The following ACYP2 variants were observed in gnomAD, a reference collection of about 807,000 sequenced individuals.
The protein encoded by ACYP2 is acylphosphatase 2.
In ACYP2, 12 loss-of-function variants were observed where a neutral mutation model predicts 11.2. That is an observed-to-expected ratio of 1.08 (90% CI 0.69 to 1.74). The LOEUF is 1.74. Ranked by LOEUF, ACYP2 falls within the 40% of genes most tolerant of loss-of-function variation. ACYP2 has a pLI of 0.00. For missense variants in ACYP2, 134 were observed against 101.9 expected, an observed-to-expected ratio of 1.31 and a Z score of -1.35; for synonymous variants, 43 against 32.2, an observed-to-expected ratio of 1.33 and a Z score of -1.13.
In ACYP2 at chr2:54,266,715, C is replaced by T. The variant is rs981825245; in HGVS notation, c.405-37973C>T. Among the ~76,000 whole-genome samples, 7 of 147,354 alleles carry T rather than the reference C, an allele frequency of 4.8e-5. No homozygotes were observed. The South Asian group carries it at 1.1e-3, about 23-fold the overall frequency. ...CCGCCGTCCGGGTTCACGCCATTCTCCTGCCTCAGCCTCCCAAGTAGCTGG... is the reference window on the plus strand; with the variant it reads ...CCGCCGTCCGGGTTCACGCCATTCTTCTGCCTCAGCCTCCCAAGTAGCTGG... On this transcript the variant is annotated intron_variant, in intron 6 of 6. Transcript: ENST00000607452.
intron 6 of ACYP2, among the ~76,000 whole-genome samples, chr2:54,259,265 G>T (rs1207913003): frequency 6.6e-6 from 1 of 152,226 alleles, no homozygotes; most frequent in Non-Finnish European, 1.5e-5. Context: ...CCAGAGTTGA[G>T]ATGCCAAGTG....
intron 6 of ACYP2, among the ~76,000 whole-genome samples, chr2:54,209,095 C>G (rs1558614684): frequency 6.6e-6 from 1 of 151,292 alleles, no homozygotes. Context: ...CAGTTAGTAC[C>G]ACCCAGAAAC....
At chr2:54,124,881 C>T (rs766240476) in intron 4 of ACYP2, among the ~76,000 whole-genome samples, 20 of 151,974 alleles carry the variant, frequency 1.3e-4, no homozygotes, top group Non-Finnish European at 2.1e-4. Context: ...GACGCATGTG[C>T]TAACTAGAGG....
In ACYP2 at chr2:54,168,382, C is replaced by T. The variant is rs543388316; in HGVS notation, c.404+29634C>T. The stretch of plus-strand genomic sequence containing the variant: ...CAGAGGTTGCAGTGAGCAGAGATCA[C>T]GACATTGCACTCCAGCCTGGGCCAC... On this transcript the variant is annotated intron_variant, in intron 6 of 6. Coordinates refer to ENST00000607452, the MANE Select transcript of ACYP2 (RefSeq NM_001320586.2). Among the ~76,000 whole-genome samples the T allele has an allele frequency of 9.9e-5, 15 of 152,180 alleles. No homozygotes were observed. In the South Asian group the frequency reaches 2.3e-3, roughly 23 times the overall value.
chr2:54,143,732 G>A (rs1681732522), intron 6 of ACYP2, among the ~76,000 whole-genome samples: 1 of 92,820 alleles, frequency 1.1e-5, no homozygotes, highest in Non-Finnish European at 2.0e-5. Flanking sequence ...ATACCCAGCC[G>A]GTTTTTTTTT....
chr2:54,159,454 T>C (rs1682609412), intron 6 of ACYP2, among the ~76,000 whole-genome samples: 1 of 151,522 alleles, frequency 6.6e-6, no homozygotes, highest in Admixed American at 6.6e-5. Flanking sequence ...GCAATCCACC[T>C]GCCTCGGCCT....
intron 2 of ACYP2, among the ~76,000 whole-genome samples, chr2:53,978,713 C>G (rs1361799609): frequency 6.6e-6 from 1 of 152,164 alleles, no homozygotes; most frequent in Admixed American, 6.5e-5. Context: ...TGACAAAACT[C>G]AAATATTCAA....
chr2:54,041,082 C>G (rs185213181), intron 2 of ACYP2, among the ~76,000 whole-genome samples: 42 of 148,180 alleles, frequency 2.8e-4, no homozygotes, highest in African/African-American at 1.0e-3. Context: ...CTTTTCTTTT[C>G]CTCTCTCTCT....
chr2:54,196,440 T>C (rs945079427), intron 6 of ACYP2, among the ~76,000 whole-genome samples: 1 of 152,224 alleles, frequency 6.6e-6, no homozygotes, highest in African/African-American at 2.4e-5. Flanking sequence ...TTTATATGGC[T>C]TTGTTTCTGT....
chr2:54,272,068 C>T (rs777612125), intron 6 of ACYP2, among the ~76,000 whole-genome samples: 37 of 152,122 alleles, frequency 2.4e-4, no homozygotes, highest in Non-Finnish European at 4.7e-4. Flanking sequence ...TGATGAAGCA[C>T]CTTCTTTTCA....
chr2:54,052,049 T>TAAATAAATAAATAAATA (rs1675893829), intron 3 of ACYP2, among the ~76,000 whole-genome samples: 1 of 85,784 alleles, frequency 1.2e-5, no homozygotes, highest in Non-Finnish European at 2.1e-5. Flanking sequence ...TCTGTCTCAA[T>TAAATAAATAAATAAATA]AAATAAATAA....
intron 3 of ACYP2, chr2:54,051,340 T>C: frequency 2.6e-6 from 2 of 763,178 alleles, no homozygotes; most frequent in East Asian, 2.4e-5. Context: ...TTTTAAGAAG[T>C]GCTCAGAGAG....
intron 2 of ACYP2, among the ~76,000 whole-genome samples, chr2:54,030,119 C>G (rs1190888480): frequency 6.6e-6 from 1 of 152,124 alleles, no homozygotes; most frequent in Non-Finnish European, 1.5e-5. Context: ...ATTAGAAGGT[C>G]GGAGGCAAAA....
rs1276398448 is a variant in ACYP2, at chr2:53,971,325, G to A, written c.-37+4G>A. The A allele has an allele frequency of 1.3e-5, 2 of 152,740 alleles. No homozygotes were observed. Among genetic ancestry groups the A allele is most frequent in the Non-Finnish European group, 2.9e-5 (2 of 68,456 alleles). The allele number at this position is 152,740 out of a possible 1,614,324, so 9.5% of individuals were successfully genotyped here. A position where few individuals can be genotyped will look rare whatever the true frequency, so the allele number is the denominator to read the frequency against. On this transcript the variant is annotated splice_donor_region_variant and intron_variant, in intron 1 of 6. Coordinates refer to ENST00000607452, the MANE Select transcript of ACYP2 (RefSeq NM_001320586.2). ...CGCCACGACAGGCGGCAGCCAGGTC[G>A]GCCTGGTCCCCCTAGCCGAGCAGCC... is the stretch of plus-strand genomic sequence containing the variant.
At chr2:54,167,198 A>G (rs896240265) in intron 6 of ACYP2, among the ~76,000 whole-genome samples, 4 of 152,148 alleles carry the variant, frequency 2.6e-5, no homozygotes, top group African/African-American at 9.7e-5. Flanking sequence ...TTAGTTTGTC[A>G]AAGTGTTTTT....
At chr2:54,141,901 G>C (rs1388961287) in intron 6 of ACYP2, 4 of 632,492 alleles carry the variant, frequency 6.3e-6, no homozygotes, top group South Asian at 5.4e-5. Flanking sequence ...GCAGTGGTCT[G>C]ATCTAGACTC....
intron 2 of ACYP2, among the ~76,000 whole-genome samples, chr2:54,009,833 G>A (rs1313795789): frequency 6.6e-6 from 1 of 152,106 alleles, no homozygotes; most frequent in East Asian, 1.9e-4. Context: ...ATTTGTGCTA[G>A]GTTTATATGA....
chr2:53,988,369 C>T (rs571031735), intron 2 of ACYP2, among the ~76,000 whole-genome samples: 13 of 151,896 alleles, frequency 8.6e-5, no homozygotes, highest in Non-Finnish European at 1.3e-4. Flanking sequence ...TATGTTTTGC[C>T]TATGAATGTC....
intron 4 of ACYP2, among the ~76,000 whole-genome samples, chr2:54,070,284 AAAAAG>A (rs1223501926): frequency 6.6e-5 from 10 of 152,138 alleles, no homozygotes; most frequent in Non-Finnish European, 1.2e-4. Flanking sequence ...AAAAAAAAAA[AAAAAG>A]AAAGAAAGAA....
Sources: allele counts gnomAD v4.1 joint callset (sites outside exome capture counted in the v4.1 genomes callset), GRCh38; gene constraint gnomAD v4.1.1; transcripts MANE v1.5; gene names NCBI Gene and HGNC (gene_info 2026-07-23, HGNC 2026-07-21).